SEMA3D: variants seen among roughly 807,000 people sequenced by gnomAD.
The protein encoded by SEMA3D is semaphorin 3D.
A neutral mutation model predicts 100.1 loss-of-function variants in SEMA3D; 84 were observed. The observed-to-expected ratio is 0.84, with a 90% CI of 0.70 to 1.01. The LOEUF (loss-of-function observed/expected upper bound fraction) is 1.01, where lower values mean the gene tolerates loss of function less well. Ranked by LOEUF, SEMA3D falls within the 50% of genes least tolerant of loss-of-function variation. The pLI is 0.00. For synonymous variants in SEMA3D, 312 were observed against 320.7 expected (o/e 0.97, Z 0.29); for missense variants, 875 against 934.1 (o/e 0.94, Z 0.82).
At chr7:85,171,563 T>C (rs1791082729) in intron 1 of SEMA3D, among the ~76,000 whole-genome samples, 1 of 151,996 alleles carries the variant, frequency 6.6e-6, no homozygotes, top group African/African-American at 2.4e-5. Flanking sequence ...GATCAACCTT[T>C]TTTTAGTGAC....
chr7:85,237,562 C>T, the SEMA3D span, among the ~76,000 whole-genome samples: 1 of 152,104 alleles, frequency 6.6e-6, no homozygotes, highest in African/African-American at 2.4e-5. Context: ...TGGTTTATTT[C>T]ATTTAGTAAA....
chr7:85,020,593 T>C (rs1790228450), intron 13 of SEMA3D, among the ~76,000 whole-genome samples: 1 of 151,542 alleles, frequency 6.6e-6, no homozygotes, highest in East Asian at 1.9e-4. Flanking sequence ...TATAGATATA[T>C]ATGTATAATT....
At chr7:85,183,770 A>G (rs182113931) in intron 1 of SEMA3D, among the ~76,000 whole-genome samples, 3 of 152,300 alleles carry the variant, frequency 2.0e-5, no homozygotes, top group Admixed American at 2.0e-4. Flanking sequence ...AACATTTTAC[A>G]TTGCCAGATA....
At chr7:85,222,796 C>G in the SEMA3D span, among the ~76,000 whole-genome samples, 1 of 152,080 alleles carries the variant, frequency 6.6e-6, no homozygotes, top group Non-Finnish European at 1.5e-5. Context: ...GCTGTCTCCA[C>G]CATGCTATTT....
intron 2 of SEMA3D, among the ~76,000 whole-genome samples, chr7:85,131,930 T>C (rs754616861): frequency 6.6e-6 from 1 of 151,920 alleles, no homozygotes; most frequent in Non-Finnish European, 1.5e-5. Flanking sequence ...TTAAAATTTA[T>C]TCTTCCTAAA....
the SEMA3D span, among the ~76,000 whole-genome samples, chr7:85,196,216 A>G: frequency 6.6e-6 from 1 of 152,182 alleles, no homozygotes; most frequent in Non-Finnish European, 1.5e-5. Flanking sequence ...TGACATGCTC[A>G]AGGAAAATTG....
intron 4 of SEMA3D, among the ~76,000 whole-genome samples, chr7:85,087,030 C>T (rs769894837): frequency 1.3e-5 from 2 of 152,138 alleles, no homozygotes; most frequent in African/African-American, 4.8e-5. Flanking sequence ...TTGAATTTAT[C>T]AGCAATAAAA....
At chr7:85,022,728 CAG>C (rs1207885002) in intron 12 of SEMA3D, 115 bp from the exon 13 acceptor site, 2 of 694,792 alleles carry the variant, frequency 2.9e-6, no homozygotes, top group East Asian at 5.4e-5. Flanking sequence ...GAATGGACAA[CAG>C]AGTCAATATG....
the SEMA3D span, among the ~76,000 whole-genome samples, chr7:85,245,002 C>T: frequency 7.2e-5 from 11 of 152,204 alleles, no homozygotes; most frequent in East Asian, 1.9e-4. Context: ...TGAGCCACTG[C>T]GCCCGGCCAG....
intron 2 of SEMA3D, among the ~76,000 whole-genome samples, chr7:85,145,783 C>A (rs188461476): frequency 6.6e-6 from 1 of 152,180 alleles, no homozygotes; most frequent in Admixed American, 6.5e-5. Context: ...TTCCAAGATC[C>A]TTCTTGGATA....
chr7:85,017,756 T>C (rs1023704650), intron 15 of SEMA3D, among the ~76,000 whole-genome samples: 3 of 151,958 alleles, frequency 2.0e-5, no homozygotes, highest in Admixed American at 6.6e-5. Flanking sequence ...GAATGTTGCA[T>C]GAAGCATCCT....
At chr7:85,178,821 GC>G (rs761998176) in intron 1 of SEMA3D, among the ~76,000 whole-genome samples, 5 of 152,190 alleles carry the variant, frequency 3.3e-5, no homozygotes. Context: ...AGGCCTGGAG[GC>G]CTAGAAGAAA....
chr7:85,214,479 T>C, the SEMA3D span, among the ~76,000 whole-genome samples: 7 of 152,104 alleles, frequency 4.6e-5, no homozygotes, highest in Admixed American at 2.0e-4. Flanking sequence ...TGTATCTCTT[T>C]ATTAAATTAT....
At chr7:85,230,777 C>A in the SEMA3D span, among the ~76,000 whole-genome samples, 2 of 152,172 alleles carry the variant, frequency 1.3e-5, no homozygotes, top group Non-Finnish European at 2.9e-5. Context: ...TCTACTTTCT[C>A]AAACCTTCTA....
At chr7:85,248,340 T>C in the SEMA3D span, among the ~76,000 whole-genome samples, 1 of 152,174 alleles carries the variant, frequency 6.6e-6, no homozygotes, top group Non-Finnish European at 1.5e-5. Context: ...CTGTTGAGAA[T>C]GTGGAGTAAC....
chr7:85,043,154 TC>T (rs1285853051), intron 9 of SEMA3D, among the ~76,000 whole-genome samples: 1 of 152,118 alleles, frequency 6.6e-6, no homozygotes, highest in Non-Finnish European at 1.5e-5. Flanking sequence ...ACCCAGTAGT[TC>T]GAGACCAGTA....
At chr7:85,189,479 A>G (rs981066697), upstream of SEMA3D, among the ~76,000 whole-genome samples, 2 of 152,206 alleles carry the variant, frequency 1.3e-5, no homozygotes, top group African/African-American at 4.8e-5. Context: ...TGGGAAAAAA[A>G]GTATATTTTA....
rs1459536562 is a variant in SEMA3D, at chr7:84,997,990, TGTGA to T, written c.*1446_*1449del. On this transcript the variant is annotated 3_prime_UTR_variant, in exon 19 of 19. Coordinates refer to ENST00000284136, the MANE Select transcript of SEMA3D (RefSeq NM_001384900.1). ...ATATGAAAGATGTTTATGTTAATAT[TGTGA>T]GTTTGGTTCTTTTTACATGTAGCAG... is the stretch of plus-strand genomic sequence containing the variant. 3 of 152,156 alleles carry T rather than the reference TGTGA, an allele frequency of 2.0e-5. No individual in the cohort carries two copies. Among genetic ancestry groups the T allele is most frequent in the African/African-American group, 7.2e-5 (3 of 41,468 alleles). 9.4% of individuals were successfully genotyped at this position (152,156 alleles called of 1,614,324 possible). A position where few individuals can be genotyped will look rare whatever the true frequency, so the allele number is the denominator to read the frequency against.
chr7:85,177,243 C>G (rs1035393690), intron 1 of SEMA3D, among the ~76,000 whole-genome samples: 5 of 151,992 alleles, frequency 3.3e-5, no homozygotes, highest in African/African-American at 1.2e-4. Context: ...AAGATGGTAG[C>G]CATATTTGCT....
Sources: allele counts gnomAD v4.1 joint callset (sites outside exome capture counted in the v4.1 genomes callset), GRCh38; gene constraint gnomAD v4.1.1; transcripts MANE v1.5; gene names NCBI Gene and HGNC (gene_info 2026-07-23, HGNC 2026-07-21).